RPS5: variants seen among roughly 807,000 people sequenced by gnomAD.
RPS5 encodes the protein ribosomal protein S5, also known as small ribosomal subunit protein uS7.
In RPS5, 2 loss-of-function variants were observed where a neutral mutation model predicts 20.9. That is an observed-to-expected ratio of 0.10 (90% CI 0.04 to 0.30). RPS5 has a LOEUF of 0.30. Ranked by LOEUF, RPS5 falls within the 10% of genes least tolerant of loss-of-function variation. The probability of loss-of-function intolerance (pLI) is 1.00; values close to 1 mark genes in which losing one functional copy is unlikely to be tolerated. For synonymous variants in RPS5, 112 were observed against 105.8 expected, an observed-to-expected ratio of 1.06 and a Z score of -0.36; for missense variants, 122 against 287.2, an observed-to-expected ratio of 0.42 and a Z score of 4.16.
At chr19:58,391,796 T>G (rs1176213953) in intron 2 of RPS5, among the ~76,000 whole-genome samples, 1 of 151,464 alleles carries the variant, frequency 6.6e-6, no homozygotes, top group Non-Finnish European at 1.5e-5. Context: ...CATGGTGGCA[T>G]GCACCTGTAG....
chr19:58,388,606 T>C (rs1048323850), intron 2 of RPS5: 1 of 375,854 alleles, frequency 2.7e-6, no homozygotes, highest in Non-Finnish European at 4.8e-6. Flanking sequence ...TGAATGGCCT[T>C]GGCCACTTGT....
At chr19:58,394,347 A>G (rs528268162) in intron 4 of RPS5, 150 bp from the exon 5 acceptor site, 7 of 646,582 alleles carry the variant, frequency 1.1e-5, no homozygotes, top group East Asian at 5.5e-5. Flanking sequence ...GTGACCCTCT[A>G]TCTGATTGCA....
At chr19:58,391,170 C>T (rs561849148) in intron 2 of RPS5, among the ~76,000 whole-genome samples, 22 of 152,142 alleles carry the variant, frequency 1.4e-4, no homozygotes, top group African/African-American at 2.2e-4. Context: ...CTGGGCCGGG[C>T]GCCGTAATCC....
chr19:58,389,867 C>T, intron 2 of RPS5, among the ~76,000 whole-genome samples: 1 of 150,928 alleles, frequency 6.6e-6, no homozygotes, highest in Non-Finnish European at 1.5e-5. Context: ...GAACTCCTGA[C>T]CTCATGATCT....
At chr19:58,390,875 A>G (rs143381394) in intron 2 of RPS5, among the ~76,000 whole-genome samples, 55 of 152,042 alleles carry the variant, frequency 3.6e-4, no homozygotes, top group African/African-American at 1.3e-3. Context: ...CAGCCAGACT[A>G]TGAAATAGTA....
chr19:58,390,467 GCT>G (rs1485955509), intron 2 of RPS5, among the ~76,000 whole-genome samples: 1 of 90,538 alleles, frequency 1.1e-5, no homozygotes. Flanking sequence ...AGATGGAGTC[GCT>G]CTGTCACCCA....
At chr19:58,394,258 T>C in intron 4 of RPS5, 1 of 533,556 alleles carries the variant, frequency 1.9e-6, no homozygotes, top group Non-Finnish European at 3.4e-6. Context: ...AGCAGTTTGC[T>C]GTTGAGGCAG....
At chr19:58,394,215 G>A (rs578197383) in intron 4 of RPS5, 1 of 411,814 alleles carries the variant, frequency 2.4e-6, no homozygotes, top group African/African-American at 2.0e-5. Context: ...ATCCCGAAGT[G>A]TTACAGGCGC....
chr19:58,390,793 T>C (rs937446965), intron 2 of RPS5, among the ~76,000 whole-genome samples: 1 of 152,192 alleles, frequency 6.6e-6, no homozygotes, highest in Admixed American at 6.5e-5. Context: ...ATTTGGTGTT[T>C]GCAATTTTTT....
At chr19:58,389,079 TAC>T (rs1045316688) in intron 2 of RPS5, among the ~76,000 whole-genome samples, 5 of 152,230 alleles carry the variant, frequency 3.3e-5, no homozygotes, top group African/African-American at 9.6e-5. Context: ...CGTACGGTTT[TAC>T]ACATACCCTT....
intron 2 of RPS5, among the ~76,000 whole-genome samples, chr19:58,388,987 C>G (rs796142919): frequency 2.6e-5 from 4 of 152,278 alleles, no homozygotes; most frequent in African/African-American, 4.8e-5. Context: ...ATATGTCTGT[C>G]TCTATGCCAG....
At chr19:58,387,808 T>G in intron 1 of RPS5, 1 of 319,722 alleles carries the variant, frequency 3.1e-6, no homozygotes, top group South Asian at 3.3e-5. Flanking sequence ...ACCATGTAAA[T>G]CGCGAGATTG....
chr19:58,393,570 C>G lies in RPS5; in HGVS notation c.447+83C>G. ...TCTTGCCTGGGGCAGGAAGGCTCCTCTCTGTCTGCATGTTTTACCTGCAGC... is the reference window on the plus strand; with the variant it reads ...TCTTGCCTGGGGCAGGAAGGCTCCTGTCTGTCTGCATGTTTTACCTGCAGC... On this transcript the variant is annotated intron_variant, in intron 4 of 5. Coordinates refer to ENST00000196551, the MANE Select transcript of RPS5 (RefSeq NM_001009.4). 4.0e-6 allele frequency: 6 copies of G among 1,516,856 alleles called. No homozygotes were observed. In the South Asian group the frequency reaches 6.0e-5, roughly 15 times the overall value. 94.0% of individuals were successfully genotyped at this position (1,516,856 alleles called of 1,614,324 possible). A position where few individuals can be genotyped will look rare whatever the true frequency, so the allele number is the denominator to read the frequency against.
At chr19:58,391,939 A>G (rs562874563) in intron 2 of RPS5, among the ~76,000 whole-genome samples, 13 of 152,124 alleles carry the variant, frequency 8.5e-5, no homozygotes, top group Non-Finnish European at 1.8e-4. Flanking sequence ...ACAAAAAACC[A>G]AAAAACTGTG....
chr19:58,393,324 G>T (rs896989544), intron 3 of RPS5, 35 bp from the exon 4 acceptor site: 1 of 1,610,958 alleles, frequency 6.2e-7, no homozygotes, highest in Non-Finnish European at 8.5e-7. Flanking sequence ...AATGCATGGG[G>T]CTGGATGTCA....
chr19:58,390,156 A>G (rs2052353491), intron 2 of RPS5, among the ~76,000 whole-genome samples: 1 of 150,786 alleles, frequency 6.6e-6, no homozygotes, highest in Admixed American at 6.6e-5. Context: ...TCAGCCTCCC[A>G]AAGTGCTGGG....
intron 4 of RPS5, 150 bp downstream of exon 4, chr19:58,393,637 T>C (rs2052378120): frequency 4.1e-6 from 4 of 979,166 alleles, no homozygotes; most frequent in East Asian, 2.6e-5. Flanking sequence ...CCACCCTGCA[T>C]AGGGGCTGAT....
At position 58,394,641 on chromosome 19, in the gene RPS5, T is replaced by TG. The variant is rs2052385255; in HGVS notation, c.547-36dup. The TG allele has an allele frequency of 2.5e-6, 4 of 1,613,824 alleles. No homozygotes were observed. The African/African-American group carries it at 4.0e-5, about 16-fold the overall frequency. On this transcript the variant is annotated intron_variant, in intron 5 of 5. Transcript: ENST00000196551. ...TGGGGGGTCTTAAGTTGGGCATTTG[T>TG]GGGGGTCCTTCAGAATTCAGAGCTG...
intron 2 of RPS5, among the ~76,000 whole-genome samples, chr19:58,389,024 G>A (rs1212173859): frequency 2.6e-5 from 4 of 152,104 alleles, no homozygotes; most frequent in African/African-American, 9.7e-5. Context: ...TTTGTATTAA[G>A]TTTTGCAATT....
Sources: allele counts gnomAD v4.1 joint callset (sites outside exome capture counted in the v4.1 genomes callset), GRCh38; gene constraint gnomAD v4.1.1; transcripts MANE v1.5; gene names NCBI Gene and HGNC (gene_info 2026-07-23, HGNC 2026-07-21).